The following TMEM117 variants were observed in gnomAD, a reference collection of about 807,000 sequenced individuals.
The protein encoded by TMEM117 is transmembrane protein 117.
TMEM117 carries 27 observed loss-of-function variants against 52.4 expected under a neutral mutation model. The ratio of observed to expected loss-of-function variants is 0.51; its 90% CI spans 0.38 to 0.71. The LOEUF is 0.71. Among genes scored for constraint, TMEM117 ranks in the 30% least tolerant of loss-of-function variants. The probability of loss-of-function intolerance (pLI) is 0.00; values close to 1 mark genes in which losing one functional copy is unlikely to be tolerated. For missense variants in TMEM117, 556 were observed against 630.5 expected, an observed-to-expected ratio of 0.88 and a Z score of 1.26; for synonymous variants, 215 against 206.3, an observed-to-expected ratio of 1.04 and a Z score of -0.36.
Position 44,211,379 on chromosome 12 carries a change from T to G in TMEM117, c.600T>G (p.Thr200=), listed in dbSNP as rs772558257. The G allele has an allele frequency of 6.2e-7, 1 of 1,605,180 alleles. No homozygotes were observed. Among genetic ancestry groups the G allele is most frequent in the East Asian group, 2.2e-5 (1 of 44,644 alleles). Residue 200 remains threonine (T), a synonymous_variant, in exon 5 of 8, where the codon ACT becomes ACG. Transcript: ENST00000266534. ...GGAAGAAAGGAAATGTTAGGATCAC[T>G]TTATTCTGGTAGGAAATTGTTTCAC... The part of the protein sequence containing the change: ...AFWKKGNVRI[T]LFWTVLFTLT...
chr12:43,992,498 C>T (rs532801475), intron 3 of TMEM117, among the ~76,000 whole-genome samples: 3 of 152,186 alleles, frequency 2.0e-5, no homozygotes, highest in Admixed American at 6.5e-5. Flanking sequence ...AGGCTGGTTT[C>T]GAACTCCTGG....
intron 5 of TMEM117, among the ~76,000 whole-genome samples, chr12:44,214,932 T>G (rs1454672718): frequency 6.6e-6 from 1 of 152,120 alleles, no homozygotes; most frequent in Non-Finnish European, 1.5e-5. Context: ...AAAAAGGGCA[T>G]TTGGGGTTTG....
At chr12:44,012,644 C>A (rs536622938) in intron 3 of TMEM117, among the ~76,000 whole-genome samples, 15 of 152,186 alleles carry the variant, frequency 9.9e-5, no homozygotes, top group Admixed American at 2.0e-4. Flanking sequence ...TTGTTTTGAT[C>A]TGTAGCATTT....
chr12:44,085,298 T>G (rs185044843), intron 3 of TMEM117, among the ~76,000 whole-genome samples: 143 of 152,308 alleles, frequency 9.4e-4, no homozygotes, highest in African/African-American at 3.2e-3. Context: ...CTTTACATAG[T>G]GCTCAATAAA....
intron 2 of TMEM117, among the ~76,000 whole-genome samples, chr12:43,896,465 T>C (rs910535628): frequency 1.3e-5 from 2 of 152,232 alleles, no homozygotes; most frequent in South Asian, 4.1e-4. Flanking sequence ...TGTTGTTATG[T>C]GGTTGTCCTC....
intron 6 of TMEM117, among the ~76,000 whole-genome samples, chr12:44,360,334 C>T (rs1277546018): frequency 6.6e-6 from 1 of 152,098 alleles, no homozygotes; most frequent in Middle Eastern, 3.4e-3. Context: ...AATCCCAGAA[C>T]TTTGGGAGGC....
chr12:44,276,908 ATGTGTG>A (rs754059220), intron 5 of TMEM117, among the ~76,000 whole-genome samples: 217 of 143,726 alleles, frequency 1.5e-3, no homozygotes, highest in African/African-American at 5.1e-3. Flanking sequence ...GTGTGTGTGT[ATGTGTG>A]TGTGTGTGTG....
intron 5 of TMEM117, among the ~76,000 whole-genome samples, chr12:44,273,233 G>A (rs889950716): frequency 2.0e-5 from 3 of 151,386 alleles, no homozygotes; most frequent in Admixed American, 6.6e-5. Flanking sequence ...GGGTGGAGGT[G>A]GGGGGATAGC....
At chr12:43,937,726 T>C (rs1592377049) in intron 2 of TMEM117, among the ~76,000 whole-genome samples, 1 of 152,220 alleles carries the variant, frequency 6.6e-6, no homozygotes, top group South Asian at 2.1e-4. Flanking sequence ...GTTCATTTAT[T>C]TGTATAGCCT....
At position 43,956,993 on chromosome 12, in the gene TMEM117, G is replaced by T. The variant is rs140597098; in HGVS notation, c.410+12651G>T. 6.2e-3 allele frequency among the ~76,000 whole-genome samples: 938 copies of T among 152,286 alleles called. 4 individuals are homozygous for T. Among genetic ancestry groups the T allele is most frequent in the Non-Finnish European group, 8.7e-3 (591 of 68,022 alleles). ...CAGACATAAAAAAGAACGAGATCAT[G>T]TCCTTTGTAGGGACATGGATGAAGA... On this transcript the variant is annotated intron_variant, in intron 3 of 7. Coordinates refer to ENST00000266534, the MANE Select transcript of TMEM117 (RefSeq NM_032256.3).
chr12:44,054,602 C>T (rs545477643), intron 3 of TMEM117, among the ~76,000 whole-genome samples: 4 of 152,078 alleles, frequency 2.6e-5, no homozygotes, highest in Admixed American at 1.3e-4. Context: ...ATCAGAAGTA[C>T]ATTGTTCTCA....
At chr12:43,838,930 T>A (rs1370642671) in intron 1 of TMEM117, among the ~76,000 whole-genome samples, 1 of 152,050 alleles carries the variant, frequency 6.6e-6, no homozygotes, top group Non-Finnish European at 1.5e-5. Context: ...CACTAAAAAG[T>A]GTTAATTACA....
chr12:44,394,182 T>G (rs1363009139), downstream of TMEM117, among the ~76,000 whole-genome samples: 2 of 152,204 alleles, frequency 1.3e-5, no homozygotes, highest in African/African-American at 4.8e-5. Context: ...GTATCAAGAC[T>G]GGCCATGAAG....
chr12:44,311,900 TA>T (rs1330857160), intron 6 of TMEM117, among the ~76,000 whole-genome samples: 2 of 133,244 alleles, frequency 1.5e-5, no homozygotes, highest in African/African-American at 6.7e-5. Context: ...TATATGTGTA[TA>T]TATATATGTG....
At chr12:44,172,886 G>T (rs532553956) in intron 4 of TMEM117, among the ~76,000 whole-genome samples, 1 of 152,042 alleles carries the variant, frequency 6.6e-6, no homozygotes, top group South Asian at 2.1e-4. Context: ...CACCACGCCC[G>T]GCTAATTTTT....
intron 3 of TMEM117, among the ~76,000 whole-genome samples, chr12:43,972,024 G>A (rs1945595983): frequency 6.6e-6 from 1 of 152,100 alleles, no homozygotes; most frequent in Non-Finnish European, 1.5e-5. Flanking sequence ...GTTCTTAATT[G>A]GATTATTGGC....
chr12:43,927,282 G>T (rs1178756027), intron 2 of TMEM117, among the ~76,000 whole-genome samples: 1 of 151,886 alleles, frequency 6.6e-6, no homozygotes, highest in East Asian at 1.9e-4. Flanking sequence ...TCTAATCTTT[G>T]AGCTTCACTG....
chr12:43,985,970 G>A (rs1945840944), intron 3 of TMEM117, among the ~76,000 whole-genome samples: 1 of 152,122 alleles, frequency 6.6e-6, no homozygotes, highest in Admixed American at 6.6e-5. Context: ...CTAAATTGCA[G>A]TCCCACGTCT....
intron 6 of TMEM117, among the ~76,000 whole-genome samples, chr12:44,344,545 A>C (rs1951459441): frequency 6.6e-6 from 1 of 152,124 alleles, no homozygotes; most frequent in Admixed American, 6.6e-5. Context: ...GGTGATGCAC[A>C]AGCCTAATTT....
Sources: gnomAD v4.1 joint callset for allele counts (sites outside exome capture counted in the v4.1 genomes callset) on GRCh38, gnomAD v4.1.1 for gene constraint, MANE v1.5 for transcripts, NCBI Gene and HGNC (gene_info 2026-07-23, HGNC 2026-07-21) for gene names.